The following DNAH1 variants were observed in gnomAD, a reference collection of about 807,000 sequenced individuals.
The protein encoded by DNAH1 is axonemal beta dynein heavy chain 1.
A neutral mutation model predicts 484.3 loss-of-function variants in DNAH1; 327 were observed. The ratio of observed to expected loss-of-function variants is 0.68; its 90% CI spans 0.62 to 0.74. The LOEUF (loss-of-function observed/expected upper bound fraction) is 0.74, where lower values mean the gene tolerates loss of function less well. Among genes scored for constraint, DNAH1 ranks in the 30% least tolerant of loss-of-function variants. The pLI, the probability that DNAH1 is intolerant of heterozygous loss-of-function variation, is 0.00. For missense variants in DNAH1, 5,052 were observed against 5,546.8 expected, an observed-to-expected ratio of 0.91 and a Z score of 2.83; for synonymous variants, 2,192 against 2,191.9, an observed-to-expected ratio of 1.00 and a Z score of 0.00.
chr3:52,373,124 C>A (rs921966359), intron 44 of DNAH1, 71 bp downstream of exon 44: 44 of 1,488,642 alleles, frequency 3.0e-5, no homozygotes, highest in Non-Finnish European at 3.8e-5. Flanking sequence ...AGGCACAGCA[C>A]TGAAGGCCTA....
Position 52,355,091 on chromosome 3 carries a change from C to T in DNAH1, c.3693+36C>T. 1 of 1,601,292 alleles carries T rather than the reference C, an allele frequency of 6.2e-7. No homozygotes were observed. The highest frequency in any genetic ancestry group is 8.5e-7 in the Non-Finnish European group (1 of 1,172,686). ...CCCCCAGTCCTTCCCTCATCGCTCC[C>T]CCACTTCAGAGAGCCCGACCCACAG... On this transcript the variant is annotated intron_variant, in intron 21 of 77. Transcript: ENST00000420323. The surrounding 1 kb of genome is among the most constrained non-coding windows in gnomAD (Gnocchi z 4.5).
upstream of DNAH1, among the ~76,000 whole-genome samples, chr3:52,316,166 G>C (rs756570243): frequency 1.3e-5 from 2 of 152,206 alleles, no homozygotes; most frequent in African/African-American, 2.4e-5. Flanking sequence ...AACTTTCCAG[G>C]ATTAGCATTC....
intron 1 of DNAH1, among the ~76,000 whole-genome samples, chr3:52,319,979 G>GT (rs1701085860): frequency 6.6e-6 from 1 of 152,186 alleles, no homozygotes; most frequent in South Asian, 2.1e-4. Context: ...CAACCCTGCA[G>GT]TTTCCTGGAC....
intron 41 of DNAH1, 122 bp from the exon 42 acceptor site, chr3:52,371,824 G>A (rs1173736923): frequency 1.1e-5 from 15 of 1,424,984 alleles, no homozygotes; most frequent in Middle Eastern, 2.2e-4. Context: ...CCTGCACCTG[G>A]ACCCGCTTGC....
chr3:52,378,816 A>G, intron 47 of DNAH1, 36 bp downstream of exon 47: 1 of 1,611,100 alleles, frequency 6.2e-7, no homozygotes, highest in Non-Finnish European at 8.5e-7. Flanking sequence ...CAGTGCCCAC[A>G]CTGCTCTCCG....
At chr3:52,392,362 T>C in intron 63 of DNAH1, 102 bp from the exon 64 acceptor site, 1 of 1,076,400 alleles carries the variant, frequency 9.3e-7, no homozygotes, top group Non-Finnish European at 1.4e-6. Flanking sequence ...GATGCTGGGC[T>C]CTTGGAGCCC....
chr3:52,362,647 CT>C lies in DNAH1; in HGVS notation c.5094+147del. The stretch of plus-strand genomic sequence containing the variant: ...AGCCCCTTAGCCATGGAGGGGAGGC[CT>C]CAGGGCCTCAGACTTGTCCTCAGGG... On this transcript the variant is annotated intron_variant, in intron 31 of 77. Coordinates refer to ENST00000420323, the MANE Select transcript of DNAH1 (RefSeq NM_015512.5). This position sits in a 1 kb window ranked among gnomAD's most constrained non-coding sequence, Gnocchi z 5.1. 2.6e-6 allele frequency: 2 copies of C among 776,824 alleles called. No individual in the cohort carries two copies. Among genetic ancestry groups the C allele is most frequent in the Non-Finnish European group, 4.1e-6 (2 of 483,570 alleles). The allele number at this position is 776,824 out of a possible 1,614,324, so 48.1% of individuals were successfully genotyped here.
intron 60 of DNAH1, among the ~76,000 whole-genome samples, chr3:52,390,595 C>T (rs1704327643): frequency 6.6e-6 from 1 of 152,192 alleles, no homozygotes; most frequent in South Asian, 2.1e-4. Flanking sequence ...AAGATGGTCT[C>T]ATCAAGTGAG....
chr3:52,349,096 C>T lies in DNAH1; in HGVS notation c.2300+15C>T, dbSNP rs1244362226. 1.2e-6 allele frequency: 2 copies of T among 1,612,842 alleles called. No individual in the cohort carries two copies. The highest frequency in any genetic ancestry group is 1.7e-5 in the Admixed American group (1 of 60,014). ...TCCTTTCTCAAGTGCGTACGTGTGC[C>T]CATGCACGTCGGAGGGTGTCTGTGT... On this transcript the variant is annotated intron_variant, in intron 13 of 77. Coordinates refer to ENST00000420323, the MANE Select transcript of DNAH1 (RefSeq NM_015512.5).
chr3:52,314,096 G>A (rs1700875337), upstream of DNAH1, among the ~76,000 whole-genome samples: 1 of 152,126 alleles, frequency 6.6e-6, no homozygotes, highest in African/African-American at 2.4e-5. Flanking sequence ...AGGTGGGAGT[G>A]GGGGCACTTG....
chr3:52,368,150 G>A lies in DNAH1; in HGVS notation c.5766-591G>A, dbSNP rs1392975440. The stretch of plus-strand genomic sequence containing the variant: ...TAACCAGACATTGCCTGGGGGTGGT[G>A]CAGGGAAGGAGCCTCAAGAGTGATC... On this transcript the variant is annotated intron_variant, in intron 36 of 77. Coordinates refer to ENST00000420323, the MANE Select transcript of DNAH1 (RefSeq NM_015512.5). This position sits in a 1 kb window ranked among gnomAD's most constrained non-coding sequence, Gnocchi z 4.4. 6.6e-6 allele frequency among the ~76,000 whole-genome samples: 1 copy of A among 152,220 alleles called. No homozygotes were observed. The highest frequency in any genetic ancestry group is 6.5e-5 in the Admixed American group (1 of 15,286).
At chr3:52,333,151 G>A (rs966894992) in intron 8 of DNAH1, among the ~76,000 whole-genome samples, 4 of 152,168 alleles carry the variant, frequency 2.6e-5, no homozygotes, top group Non-Finnish European at 4.4e-5. Context: ...TTCCCAAAGT[G>A]CTGGGATTAT....
At chr3:52,363,672 G>A (rs1407289192) in intron 32 of DNAH1, among the ~76,000 whole-genome samples, 1 of 152,178 alleles carries the variant, frequency 6.6e-6, no homozygotes, top group Non-Finnish European at 1.5e-5. Context: ...CAGCAGAGAC[G>A]AGTCCCACCT....
intron 8 of DNAH1, among the ~76,000 whole-genome samples, chr3:52,336,251 A>T (rs1406767052): frequency 9.2e-5 from 14 of 152,142 alleles, no homozygotes. Flanking sequence ...GAGGTCTGAC[A>T]TTTAAATCTT....
Position 52,361,471 on chromosome 3 carries a change from G to A in DNAH1, c.4874+119G>A, listed in dbSNP as rs1265774557. On this transcript the variant is annotated intron_variant, in intron 29 of 77. Transcript: ENST00000420323. The surrounding 1 kb of genome is among the most constrained non-coding windows in gnomAD (Gnocchi z 5.6). The stretch of plus-strand genomic sequence containing the variant: ...CGAAGGATGGTGGAGGGGACAGAAG[G>A]GGGTAATAGGCATCACGGCTTGGTC... 9 of 1,321,144 alleles carry A rather than the reference G, an allele frequency of 6.8e-6. No homozygotes were observed. The highest frequency in any genetic ancestry group is 9.3e-6 in the Non-Finnish European group (9 of 971,590). The allele number at this position is 1,321,144 out of a possible 1,614,324, so 81.8% of individuals were successfully genotyped here.
In DNAH1 at chr3:52,363,164, G is replaced by C. The variant is rs775559362; in HGVS notation, c.5244+20G>C. 1.8e-5 allele frequency: 29 copies of C among 1,609,090 alleles called. No homozygotes were observed. The East Asian group carries it at 4.9e-4, about 27-fold the overall frequency. ...TCCCAGGTGTGGTCCTGCCCTGATG[G>C]GTTTCCAGGGTCTGAAAACTTCTGC... is the stretch of plus-strand genomic sequence containing the variant. On this transcript the variant is annotated intron_variant, in intron 32 of 77. Coordinates refer to ENST00000420323, the MANE Select transcript of DNAH1 (RefSeq NM_015512.5).
chr3:52,353,693 C>A lies in DNAH1; in HGVS notation c.3480+60C>A. ...CAGGCCCTGCCGGACAGCCTGACCT[C>A]CTGCTCTGGCAACCACAGCCACTTG... On this transcript the variant is annotated intron_variant, in intron 20 of 77. Transcript: ENST00000420323. The surrounding 1 kb of genome is among the most constrained non-coding windows in gnomAD (Gnocchi z 5.0). The A allele has an allele frequency of 6.5e-7, 1 of 1,544,968 alleles. No individual in the cohort carries two copies.
In DNAH1 at chr3:52,397,651, C is replaced by CT. The variant is rs1704694104; in HGVS notation, c.11788-55dup. 1.0e-5 allele frequency: 15 copies of CT among 1,500,446 alleles called. No homozygotes were observed. In the East Asian group the frequency reaches 1.6e-4, roughly 16 times the overall value. The allele number at this position is 1,500,446 out of a possible 1,614,324, so 92.9% of individuals were successfully genotyped here. A position where few individuals can be genotyped will look rare whatever the true frequency, so the allele number is the denominator to read the frequency against. On this transcript the variant is annotated intron_variant, in intron 73 of 77. Coordinates refer to ENST00000420323, the MANE Select transcript of DNAH1 (RefSeq NM_015512.5). ...GGATGTGCTCCATTGGAGGGTAACT[C>CT]TGAGGGCTGGGGCAGAGCAAGCCAG...
chr3:52,390,563 T>A (rs1578197096), intron 60 of DNAH1, among the ~76,000 whole-genome samples: 1 of 151,692 alleles, frequency 6.6e-6, no homozygotes, highest in South Asian at 2.1e-4. Context: ...GCCAGGAGGG[T>A]CAGTGGGGTA....
Sources: gnomAD v4.1 joint callset for allele counts (sites outside exome capture counted in the v4.1 genomes callset) on GRCh38, gnomAD v4.1.1 for gene constraint, Gnocchi (gnomAD v3.1) non-coding constraint, MANE v1.5 for transcripts, NCBI Gene and HGNC (gene_info 2026-07-23, HGNC 2026-07-21) for gene names.